The following CACNA2D3 variants were observed in gnomAD, a reference collection of about 807,000 sequenced individuals.
The protein encoded by CACNA2D3 is voltage-dependent calcium channel subunit alpha-2/delta-3.
CACNA2D3 carries 60 observed loss-of-function variants against 160.6 expected under a neutral mutation model. The ratio of observed to expected loss-of-function variants is 0.37; its 90% CI spans 0.30 to 0.46. CACNA2D3 has a LOEUF of 0.46. Ranked by LOEUF, CACNA2D3 falls within the 20% of genes least tolerant of loss-of-function variation. The pLI, the probability that CACNA2D3 is intolerant of heterozygous loss-of-function variation, is 1.00. For synonymous variants in CACNA2D3, 558 were observed against 492.9 expected, an observed-to-expected ratio of 1.13 and a Z score of -1.75; for missense variants, 1,205 against 1,365.0, an observed-to-expected ratio of 0.88 and a Z score of 1.85.
chr3:54,284,950 C>T (rs1206904370), intron 2 of CACNA2D3, among the ~76,000 whole-genome samples: 1 of 152,040 alleles, frequency 6.6e-6, no homozygotes, highest in African/African-American at 2.4e-5. Context: ...TAAATATATA[C>T]CTACGAAGAT....
At chr3:55,023,655 A>T (rs1703506490) in intron 35 of CACNA2D3, among the ~76,000 whole-genome samples, 1 of 152,140 alleles carries the variant, frequency 6.6e-6, no homozygotes, top group Non-Finnish European at 1.5e-5. Context: ...CTGGGAACAG[A>T]ATAGAATTTG....
intron 13 of CACNA2D3, among the ~76,000 whole-genome samples, chr3:54,801,966 G>A (rs907489933): frequency 1.3e-5 from 2 of 152,164 alleles, no homozygotes; most frequent in African/African-American, 4.8e-5. Flanking sequence ...AAAATTGGAA[G>A]GACTTACTGA....
At chr3:54,332,127 T>G (rs1013254559) in intron 3 of CACNA2D3, among the ~76,000 whole-genome samples, 4 of 152,226 alleles carry the variant, frequency 2.6e-5, no homozygotes, top group African/African-American at 4.8e-5. Flanking sequence ...CATTAAGCCT[T>G]CATCAACAAC....
At chr3:54,801,323 G>A (rs139290750) in intron 13 of CACNA2D3, among the ~76,000 whole-genome samples, 38 of 152,176 alleles carry the variant, frequency 2.5e-4, no homozygotes, top group African/African-American at 7.9e-4. Flanking sequence ...TTGGCTTGGC[G>A]GGGGTGGTAC....
intron 27 of CACNA2D3, among the ~76,000 whole-genome samples, chr3:54,961,252 G>A (rs1702023772): frequency 6.6e-6 from 1 of 152,142 alleles, no homozygotes; most frequent in Admixed American, 6.5e-5. Context: ...GACTGGATAA[G>A]AGATATTAAC....
chr3:54,642,343 A>C (rs1353845304), intron 11 of CACNA2D3, 102 bp downstream of exon 11: 109 of 573,772 alleles, frequency 1.9e-4, no homozygotes, highest in Non-Finnish European at 2.7e-4. Flanking sequence ...ACTTAATCTC[A>C]TAATGATCTG....
intron 11 of CACNA2D3, among the ~76,000 whole-genome samples, chr3:54,685,473 T>A (rs1559548901): frequency 6.6e-6 from 1 of 152,204 alleles, no homozygotes; most frequent in Non-Finnish European, 1.5e-5. Context: ...TGCCAATCCC[T>A]GGAGTGAATC....
Position 54,386,737 on chromosome 3 carries a change from A to C in CACNA2D3, c.344A>C (p.Glu115Ala), listed in dbSNP as rs1182004857. The C allele has an allele frequency of 5.1e-6, 8 of 1,580,160 alleles. No individual in the cohort carries two copies. The African/African-American group carries it at 5.4e-5, about 11-fold the overall frequency. ...TAGCGTCTGGTGGAGGCTGCAGAAG[A>C]AGCACACCTGAAACATGAATTTGAT... ...AVRRLVEAAE[E>A]AHLKHEFDAD... Residue 115 changes from glutamate to alanine, a missense_variant, in exon 4 of 38, where the codon GAA (glutamate) becomes GCA (alanine). Transcript: ENST00000474759.
chr3:54,280,170 C>T (rs1702840832), intron 2 of CACNA2D3, among the ~76,000 whole-genome samples: 1 of 152,096 alleles, frequency 6.6e-6, no homozygotes, highest in African/African-American at 2.4e-5. Flanking sequence ...CAAGCTCTGC[C>T]TCCTGGGTTC....
intron 9 of CACNA2D3, among the ~76,000 whole-genome samples, chr3:54,611,131 T>G (rs992384899): frequency 1.3e-5 from 2 of 152,210 alleles, no homozygotes; most frequent in African/African-American, 4.8e-5. Context: ...AAATAACCTT[T>G]GAGAGTTTGT....
chr3:54,238,928 C>T (rs1332426887), intron 2 of CACNA2D3, among the ~76,000 whole-genome samples: 2 of 152,190 alleles, frequency 1.3e-5, no homozygotes, highest in East Asian at 3.9e-4. Flanking sequence ...TTGAGGTCTT[C>T]AGATCATTTT....
intron 2 of CACNA2D3, among the ~76,000 whole-genome samples, chr3:54,185,080 C>A (rs183792629): frequency 6.6e-6 from 1 of 152,280 alleles, no homozygotes; most frequent in South Asian, 2.1e-4. Context: ...TGAAATTCTT[C>A]TGTTGACAGG....
intron 3 of CACNA2D3, among the ~76,000 whole-genome samples, chr3:54,361,107 TC>T (rs1174379707): frequency 1.3e-5 from 2 of 152,096 alleles, no homozygotes. Flanking sequence ...ATGTAATGTT[TC>T]TTAGCTGTGA....
intron 14 of CACNA2D3, 97 bp downstream of exon 14, chr3:54,816,967 A>G: frequency 7.0e-7 from 1 of 1,427,680 alleles, no homozygotes; most frequent in Non-Finnish European, 9.6e-7. Flanking sequence ...ATGACCAGTG[A>G]AATGGTTTTT....
At chr3:54,596,448 T>A (rs1702956335) in intron 9 of CACNA2D3, among the ~76,000 whole-genome samples, 1 of 152,178 alleles carries the variant, frequency 6.6e-6, no homozygotes, top group African/African-American at 2.4e-5. Flanking sequence ...TATTAGTACC[T>A]AGAAGGGGAT....
At chr3:54,496,345 C>A (rs1701202350) in intron 4 of CACNA2D3, among the ~76,000 whole-genome samples, 1 of 152,166 alleles carries the variant, frequency 6.6e-6, no homozygotes, top group African/African-American at 2.4e-5. Context: ...GTCAGCACTT[C>A]TAGTGGGTAT....
chr3:54,332,155 A>G (rs1704281391), intron 3 of CACNA2D3, among the ~76,000 whole-genome samples: 1 of 152,236 alleles, frequency 6.6e-6, no homozygotes, highest in Non-Finnish European at 1.5e-5. Context: ...AGAGCTCACC[A>G]TGGCAGGAAC....
intron 5 of CACNA2D3, among the ~76,000 whole-genome samples, chr3:54,544,869 A>C (rs1223093406): frequency 6.6e-6 from 1 of 152,234 alleles, no homozygotes; most frequent in African/African-American, 2.4e-5. Context: ...CATGTCCATT[A>C]ATTCATATAC....
At chr3:54,862,947 C>T (rs978231278) in intron 17 of CACNA2D3, among the ~76,000 whole-genome samples, 1 of 152,166 alleles carries the variant, frequency 6.6e-6, no homozygotes, top group Non-Finnish European at 1.5e-5. Flanking sequence ...CTGACGGCTC[C>T]ACATACCCAA....
Sources: allele counts gnomAD v4.1 joint callset (sites outside exome capture counted in the v4.1 genomes callset), GRCh38; gene constraint gnomAD v4.1.1; transcripts MANE v1.5; gene names NCBI Gene and HGNC (gene_info 2026-07-23, HGNC 2026-07-21).